The following GFI1B variants were observed in gnomAD, a reference collection of about 807,000 sequenced individuals.
The protein encoded by GFI1B is growth factor independent 1B transcriptional repressor, also known as zinc finger protein Gfi-1b.
GFI1B carries 20 observed loss-of-function variants against 35.3 expected under a neutral mutation model. That is an observed-to-expected ratio of 0.57 (90% CI 0.40 to 0.82). The LOEUF is 0.82. Among genes scored for constraint, GFI1B ranks in the 40% least tolerant of loss-of-function variants. The pLI is 0.00. For missense variants in GFI1B, 430 were observed against 446.3 expected (o/e 0.96, Z 0.33); for synonymous variants, 178 against 177.6 (o/e 1.00, Z -0.02).
chr9:132,962,369 C>T, intron 1 of GFI1B: 1 of 224,888 alleles, frequency 4.4e-6, no homozygotes, highest in South Asian at 6.1e-5. Context: ...AAACTCCTGA[C>T]CTCAGGTGAT....
intron 1 of GFI1B, among the ~76,000 whole-genome samples, chr9:132,955,797 T>C (rs948278536): frequency 7.0e-6 from 1 of 142,378 alleles, no homozygotes; most frequent in Admixed American, 7.4e-5. Context: ...GTGATGTGTG[T>C]GTGTGTGTGC....
rs555628991 is a variant in GFI1B at position 132,979,567 on chromosome 9, C to T, written c.-21+726C>T. Among the ~76,000 whole-genome samples, 57 of 152,238 alleles carry T rather than the reference C, an allele frequency of 3.7e-4. 1 individual carries two copies. In the East Asian group the frequency reaches 0.01, roughly 28 times the overall value. On this transcript the variant is annotated intron_variant, in intron 1 of 6. Transcript: ENST00000372122. Reference sequence around the variant, plus strand: ...TTCCCAGGACACTTTGAGAGTCAGGCGCTCTCCCCTCCAGAGCCTACTAAG... The same window carrying T: ...TTCCCAGGACACTTTGAGAGTCAGGTGCTCTCCCCTCCAGAGCCTACTAAG...
At chr9:132,988,169 A>G (rs1347152090) in intron 3 of GFI1B, 28 bp from the exon 4 acceptor site, 1 of 1,611,122 alleles carries the variant, frequency 6.2e-7, no homozygotes, top group South Asian at 1.1e-5. Flanking sequence ...TTAAATGAGT[A>G]ACCAGGCCTG....
Position 132,985,017 on chromosome 9 carries a change from C to T in GFI1B, c.-20-1642C>T, listed in dbSNP as rs1381904162. On this transcript the variant is annotated intron_variant, in intron 1 of 6. Coordinates refer to ENST00000372122, the MANE Select transcript of GFI1B (RefSeq NM_001377304.1). ...TGAAGCAGCTGTGATCCCTCTCCCG[C>T]CTTCTCCGGACCCTATCACCCCTGC... 2.0e-5 allele frequency among the ~76,000 whole-genome samples: 3 copies of T among 152,026 alleles called. No homozygotes were observed. The East Asian group carries it at 5.8e-4, about 29-fold the overall frequency.
At chr9:132,947,206 G>T (rs1266138175) in intron 1 of GFI1B, 1 of 152,206 alleles carries the variant, frequency 6.6e-6, no homozygotes, top group Non-Finnish European at 1.5e-5. Context: ...GACATCTGCT[G>T]CATTTGGCTG....
At position 132,991,380 on chromosome 9, in the gene GFI1B, C is replaced by T; in HGVS notation, c.*330C>T. 1 of 360,472 alleles carries T rather than the reference C, an allele frequency of 2.8e-6. No individual in the cohort carries two copies. The highest frequency in any genetic ancestry group is 5.3e-6 in the Non-Finnish European group (1 of 189,554). The allele number at this position is 360,472 out of a possible 1,614,324, so 22.3% of individuals were successfully genotyped here. A position where few individuals can be genotyped will look rare whatever the true frequency, so the allele number is the denominator to read the frequency against. ...CAGGGATGCCAAGAGTAGACCAGAGCTGGGACCCACAGACAGAACCTCCAC... is the reference window on the plus strand; with the variant it reads ...CAGGGATGCCAAGAGTAGACCAGAGTTGGGACCCACAGACAGAACCTCCAC... On this transcript the variant is annotated 3_prime_UTR_variant, in exon 7 of 7. Coordinates refer to ENST00000372122, the MANE Select transcript of GFI1B (RefSeq NM_001377304.1).
chr9:132,970,839 G>A (rs889943963), intron 1 of GFI1B, among the ~76,000 whole-genome samples: 6 of 152,048 alleles, frequency 3.9e-5, no homozygotes, highest in East Asian at 1.9e-4. Flanking sequence ...ACACCAATGC[G>A]GAAGTCATCA....
intron 1 of GFI1B, among the ~76,000 whole-genome samples, chr9:132,959,399 G>A (rs1478161621): frequency 5.9e-5 from 9 of 152,204 alleles, no homozygotes; most frequent in Non-Finnish European, 1.3e-4. Flanking sequence ...CTGAGGAACT[G>A]TGAGTCAATT....
At chr9:132,959,218 G>T (rs571037178) in intron 1 of GFI1B, among the ~76,000 whole-genome samples, 5 of 152,242 alleles carry the variant, frequency 3.3e-5, no homozygotes, top group East Asian at 1.9e-4. Flanking sequence ...CATGGGGGTG[G>T]TTCTCCCATG....
upstream of GFI1B, among the ~76,000 whole-genome samples, chr9:132,977,944 G>A (rs1214958625): frequency 6.6e-6 from 1 of 152,242 alleles, no homozygotes; most frequent in Non-Finnish European, 1.5e-5. Context: ...GCCTCTACCC[G>A]CTCAAAGGTC....
Position 132,979,733 on chromosome 9 carries a change from C to A in GFI1B, c.-21+892C>A, listed in dbSNP as rs561997137. On this transcript the variant is annotated intron_variant, in intron 1 of 6. Transcript: ENST00000372122. ...TCCACCTATTTTTGGAGAAAAAAAA[C>A]CAAGTTTAAGTGTTGAGGCATCTGA... is the stretch of plus-strand genomic sequence containing the variant. Among the ~76,000 whole-genome samples the A allele has an allele frequency of 3.4e-4, 52 of 152,192 alleles. 1 individual carries two copies. Among genetic ancestry groups the A allele is most frequent in the East Asian group, 2.7e-3 (14 of 5,182 alleles).
intron 1 of GFI1B, chr9:132,962,519 T>C (rs1848382975): frequency 3.9e-6 from 2 of 512,794 alleles, no homozygotes; most frequent in Admixed American, 4.2e-5. Flanking sequence ...CCATGTCTTC[T>C]CACAAGACTT....
chr9:132,955,487 C>A (rs1391704647), intron 1 of GFI1B, among the ~76,000 whole-genome samples: 2 of 151,952 alleles, frequency 1.3e-5, no homozygotes, highest in African/African-American at 2.4e-5. Context: ...GAGGTGAATT[C>A]TCCTATGTTT....
chr9:132,960,234 G>A (rs1391818222), intron 1 of GFI1B, among the ~76,000 whole-genome samples: 2 of 152,188 alleles, frequency 1.3e-5, no homozygotes, highest in East Asian at 3.8e-4. Context: ...TGGAGCAGAT[G>A]GGCTTTACGA....
Position 132,991,059 on chromosome 9 carries a change from C to G in GFI1B, c.*9C>G, listed in dbSNP as rs148238677. 2 of 1,611,526 alleles carry G rather than the reference C, an allele frequency of 1.2e-6. No homozygotes were observed. The highest frequency in any genetic ancestry group is 4.5e-5 in the East Asian group (2 of 44,876). On this transcript the variant is annotated 3_prime_UTR_variant, in exon 7 of 7. Coordinates refer to ENST00000372122, the MANE Select transcript of GFI1B (RefSeq NM_001377304.1). ...AGCACAATCTCAAGTGAGGCTGCGC[C>G]GGCTCCCAGCTCCTGGCCAGCCTGC...
downstream of GFI1B, chr9:132,991,724 T>G (rs1849300271): frequency 1.3e-5 from 2 of 156,262 alleles, no homozygotes; most frequent in Admixed American, 1.2e-4. Context: ...TAAGTGCCTA[T>G]GAGGTCCAGG....
chr9:132,979,386 C>T (rs141495500), intron 1 of GFI1B, among the ~76,000 whole-genome samples: 105 of 151,738 alleles, frequency 6.9e-4, no homozygotes, highest in Middle Eastern at 6.8e-3. Context: ...ATTACAGGCG[C>T]GTGTTACCAC....
chr9:132,962,662 C>T lies in GFI1B; in HGVS notation c.-700-10063C>T, dbSNP rs185790499. On this transcript the variant is annotated intron_variant, in intron 1 of 10. Coordinates refer to the GFI1B transcript ENST00000339463. ...ATATTGAAGAAGAACCAAGCTGGGT[C>T]TATAAGGAATTACACATGAGATGAC... 2.0e-4 allele frequency: 98 copies of T among 490,590 alleles called. No individual in the cohort carries two copies. The East Asian group carries it at 4.9e-3, about 25-fold the overall frequency. The allele number at this position is 490,590 out of a possible 1,614,324, so 30.4% of individuals were successfully genotyped here. A position where few individuals can be genotyped will look rare whatever the true frequency, so the allele number is the denominator to read the frequency against.
downstream of GFI1B, among the ~76,000 whole-genome samples, chr9:132,991,887 G>A (rs983826675): frequency 5.3e-5 from 8 of 152,066 alleles, 1 homozygote; most frequent in Admixed American, 5.2e-4. Context: ...GGGCCCGTGC[G>A]ACAAGACCAC....
Sources: gnomAD v4.1 joint callset for allele counts (sites outside exome capture counted in the v4.1 genomes callset) on GRCh38, gnomAD v4.1.1 for gene constraint, MANE v1.5 for transcripts, NCBI Gene and HGNC (gene_info 2026-07-23, HGNC 2026-07-21) for gene names.